The following LCN9 variants were observed in gnomAD, a reference collection of about 807,000 sequenced individuals.
LCN9 encodes lipocalin 9.
Under a neutral mutation model 18.5 loss-of-function variants are expected in LCN9, and 22 were observed. The ratio of observed to expected loss-of-function variants is 1.19; its 90% confidence interval spans 0.85 to 1.70. The LOEUF (loss-of-function observed/expected upper bound fraction) is 1.70, where lower values mean the gene tolerates loss of function less well. Ranked by LOEUF, LCN9 falls within the 40% of genes most tolerant of loss-of-function variation. The pLI, the probability that LCN9 is intolerant of heterozygous loss-of-function variation, is 0.00. For missense variants in LCN9, 202 were observed against 201.3 expected, an observed-to-expected ratio of 1.00 and a Z score of -0.02; for synonymous variants, 89 against 83.0, an observed-to-expected ratio of 1.07 and a Z score of -0.39.
chr9:135,666,225 C>A (rs189546519), exon 6 of LCN9: 2 of 1,396,100 alleles, frequency 1.4e-6, no homozygotes, highest in East Asian at 4.6e-5. Context: ...GGTCTGAAAC[C>A]CGAGGTCCGC....
In LCN9 at chr9:135,665,218, GC is replaced by G; in HGVS notation, c.308-25del. On this transcript the variant is annotated intron_variant, in intron 3 of 5. Transcript: ENST00000619315. This position sits in a 1 kb window ranked among gnomAD's most constrained non-coding sequence, Gnocchi z 5.9. ...AGGACCCTGAGGGTGGCGGGGCCAG[GC>G]CACGCTGAGCCATGTCTCCACGCAG... The G allele has an allele frequency of 6.7e-7, 1 of 1,484,386 alleles. No homozygotes were observed. Among genetic ancestry groups the G allele is most frequent in the South Asian group, 1.2e-5 (1 of 83,272 alleles). The allele number at this position is 1,484,386 out of a possible 1,614,324, so 92.0% of individuals were successfully genotyped here. A position where few individuals can be genotyped will look rare whatever the true frequency, so the allele number is the denominator to read the frequency against.
chr9:135,663,709 A>G (rs1161621988), intron 1 of LCN9, among the ~76,000 whole-genome samples: 3 of 145,078 alleles, frequency 2.1e-5, no homozygotes, highest in Non-Finnish European at 3.0e-5. Flanking sequence ...CCCTAAGAGG[A>G]CAGAGGGGTT....
chr9:135,663,805 A>T (rs113286208), intron 1 of LCN9, among the ~76,000 whole-genome samples: 1 of 33,534 alleles, frequency 3.0e-5, no homozygotes. Flanking sequence ...ACAGAGGGGG[A>T]CCTGGAGGGG....
intron 1 of LCN9, among the ~76,000 whole-genome samples, chr9:135,663,799 AGGGG>A (rs1834159697): frequency 4.9e-5 from 1 of 20,530 alleles, no homozygotes; most frequent in Admixed American, 6.0e-4. Context: ...GAGAGGACAG[AGGGG>A]GACCTGGAGG....
chr9:135,664,852 G>A lies in LCN9; in HGVS notation c.307+57G>A, dbSNP rs1834189905. ...CAGTCGGGGGTCTCCTTTCTCCAGGGCCTGGGCCATATTCTGGTGAGCACT... is the reference window on the plus strand; with the variant it reads ...CAGTCGGGGGTCTCCTTTCTCCAGGACCTGGGCCATATTCTGGTGAGCACT... On this transcript the variant is annotated intron_variant, in intron 3 of 5. Coordinates refer to ENST00000619315, the Ensembl canonical transcript of LCN9. This position sits in a 1 kb window ranked among gnomAD's most constrained non-coding sequence, Gnocchi z 4.5. 1.3e-6 allele frequency: 2 copies of A among 1,509,542 alleles called. No individual in the cohort carries two copies. The highest frequency in any genetic ancestry group is 1.8e-6 in the Non-Finnish European group (2 of 1,112,104). The allele number at this position is 1,509,542 out of a possible 1,614,324, so 93.5% of individuals were successfully genotyped here.
At position 135,664,832 on chromosome 9, in the gene LCN9, G is replaced by C. The variant is rs762789260; in HGVS notation, c.307+37G>C. The C allele has an allele frequency of 6.5e-7, 1 of 1,547,710 alleles. No homozygotes were observed. The highest frequency in any genetic ancestry group is 2.4e-5 in the East Asian group (1 of 41,356). On this transcript the variant is annotated intron_variant, in intron 3 of 5. Coordinates refer to ENST00000619315, the Ensembl canonical transcript of LCN9. This position sits in a 1 kb window ranked among gnomAD's most constrained non-coding sequence, Gnocchi z 4.5. The stretch of plus-strand genomic sequence containing the variant: ...CCAGGCTCCTCCTGGTCTCACAGTC[G>C]GGGGTCTCCTTTCTCCAGGGCCTGG...
In LCN9 at chr9:135,665,949, G is replaced by C; in HGVS notation, c.*98G>C. The C allele has an allele frequency of 6.2e-7, 1 of 1,603,444 alleles. No individual in the cohort carries two copies. The highest frequency in any genetic ancestry group is 8.5e-7 in the Non-Finnish European group (1 of 1,177,792). ...GGACGGGCAGGGGGCTGGATGGGGA[G>C]AGCTTGGGGCCAACGTCAGAGGCTG... is the stretch of plus-strand genomic sequence containing the variant. On this transcript the variant is annotated 3_prime_UTR_variant, in exon 6 of 6. Coordinates refer to ENST00000619315, the Ensembl canonical transcript of LCN9. This position sits in a 1 kb window ranked among gnomAD's most constrained non-coding sequence, Gnocchi z 5.9.
At chr9:135,663,325 G>A in exon 1 of LCN9, 1 of 1,613,348 alleles carries the variant, frequency 6.2e-7, no homozygotes, top group Non-Finnish European at 8.5e-7. Context: ...GGCAAAGATG[G>A]CTCTGCTTCT....
At position 135,664,125 on chromosome 9, in the gene LCN9, C is replaced by A. The variant is rs775839777; in HGVS notation, c.97-37C>A. 2 of 1,608,272 alleles carry A rather than the reference C, an allele frequency of 1.2e-6. No individual in the cohort carries two copies. The highest frequency in any genetic ancestry group is 1.7e-5 in the Admixed American group (1 of 59,222). The stretch of plus-strand genomic sequence containing the variant: ...GGCGCTAAGCATCCCCAGGGCTGTC[C>A]CGCGGCCCCCCACCCACTGGAGCTC... On this transcript the variant is annotated intron_variant, in intron 1 of 5. Transcript: ENST00000619315. This position sits in a 1 kb window ranked among gnomAD's most constrained non-coding sequence, Gnocchi z 4.5.
rs1369460673 is a variant in LCN9 at position 135,664,099 on chromosome 9, G to A, written c.97-63G>A. ...GCCGGGCCCTGGGAGGGAAGACTGT[G>A]GGCGCTAAGCATCCCCAGGGCTGTC... On this transcript the variant is annotated intron_variant, in intron 1 of 5. Transcript: ENST00000619315. This position sits in a 1 kb window ranked among gnomAD's most constrained non-coding sequence, Gnocchi z 4.5. The A allele has an allele frequency of 5.1e-6, 8 of 1,581,558 alleles. No homozygotes were observed. The highest frequency in any genetic ancestry group is 2.3e-5 in the East Asian group (1 of 44,174).
rs1437775116 is a variant in LCN9, at chr9:135,665,440, C to A, written c.418+85C>A. ...CAACCCTGGGCGGAGGAGGGTCTCG[C>A]AGTGGCCCTGGGGTTTGGAGAGGTG... On this transcript the variant is annotated intron_variant, in intron 4 of 5. Coordinates refer to ENST00000619315, the Ensembl canonical transcript of LCN9. The surrounding 1 kb of genome is among the most constrained non-coding windows in gnomAD (Gnocchi z 5.9). 1.7e-6 allele frequency: 2 copies of A among 1,144,154 alleles called. No individual in the cohort carries two copies. The highest frequency in any genetic ancestry group is 1.5e-5 in the African/African-American group (1 of 65,092). 70.9% of individuals were successfully genotyped at this position (1,144,154 alleles called of 1,614,324 possible).
In LCN9 at chr9:135,664,751, T is replaced by C; in HGVS notation, c.263T>C (p.Val88Ala). 6.3e-7 allele frequency: 1 copy of C among 1,598,838 alleles called. No homozygotes were observed. The highest frequency in any genetic ancestry group is 8.5e-7 in the Non-Finnish European group (1 of 1,173,128). The change falls in exon 3 of 6, where the codon GTG (valine) becomes GCG (alanine). Residue 88 changes from valine to alanine, a missense_variant. Val to Ala is a moderately conservative substitution (Grantham distance 64). Transcript: ENST00000619315. This position sits in a 1 kb window ranked among gnomAD's most constrained non-coding sequence, Gnocchi z 4.5. ...CAGGGGGAGTGTGTGGCTGTGGTCG[T>C]GGTCTGCGAGAAGACAGAGAAGAAT...
At position 135,664,429 on chromosome 9, in the gene LCN9, C is replaced by T; in HGVS notation, c.233+131C>T. The T allele has an allele frequency of 3.3e-6, 4 of 1,227,078 alleles. No homozygotes were observed. Among genetic ancestry groups the T allele is most frequent in the South Asian group, 1.4e-5 (1 of 73,776 alleles). The allele number at this position is 1,227,078 out of a possible 1,614,324, so 76.0% of individuals were successfully genotyped here. Reference sequence around the variant, plus strand: ...ACTCTGGTGAGAGCCTGAGCCTGTGCGTGTGACCCTTGGGGGCAGGGTGAG... The same window carrying T: ...ACTCTGGTGAGAGCCTGAGCCTGTGTGTGTGACCCTTGGGGGCAGGGTGAG... On this transcript the variant is annotated intron_variant, in intron 2 of 5. Coordinates refer to ENST00000619315, the Ensembl canonical transcript of LCN9. This position sits in a 1 kb window ranked among gnomAD's most constrained non-coding sequence, Gnocchi z 4.5.
In LCN9 at chr9:135,665,407, G is replaced by A; in HGVS notation, c.418+52G>A. The A allele has an allele frequency of 6.9e-7, 1 of 1,448,870 alleles. No homozygotes were observed. Among genetic ancestry groups the A allele is most frequent in the Non-Finnish European group, 9.5e-7 (1 of 1,053,380 alleles). The allele number at this position is 1,448,870 out of a possible 1,614,324, so 89.8% of individuals were successfully genotyped here. A position where few individuals can be genotyped will look rare whatever the true frequency, so the allele number is the denominator to read the frequency against. ...CCTCGGGGACCCCACCTCCTCTGAA[G>A]TCCGGCCCAACCCTGGGCGGAGGAG... On this transcript the variant is annotated intron_variant, in intron 4 of 5. Coordinates refer to ENST00000619315, the Ensembl canonical transcript of LCN9. The surrounding 1 kb of genome is among the most constrained non-coding windows in gnomAD (Gnocchi z 5.9).
rs1588215979 is a variant in LCN9 at position 135,665,796 on chromosome 9, T to G, written c.*9+44T>G. On this transcript the variant is annotated intron_variant, in intron 5 of 5. Transcript: ENST00000619315. This position sits in a 1 kb window ranked among gnomAD's most constrained non-coding sequence, Gnocchi z 5.9. Reference sequence around the variant, plus strand: ...GGACCAAGCGGGAGCCGGGACAGGGTGGGGATGGGAGGTGTGCCTGCGGGG... The same window carrying G: ...GGACCAAGCGGGAGCCGGGACAGGGGGGGGATGGGAGGTGTGCCTGCGGGG... 1 of 1,611,900 alleles carries G rather than the reference T, an allele frequency of 6.2e-7. No individual in the cohort carries two copies. Among genetic ancestry groups the G allele is most frequent in the Non-Finnish European group, 8.5e-7 (1 of 1,179,046 alleles).
In LCN9 at chr9:135,665,757, G is replaced by A; in HGVS notation, c.*9+5G>A. 6.2e-7 allele frequency: 1 copy of A among 1,613,362 alleles called. No individual in the cohort carries two copies. The highest frequency in any genetic ancestry group is 2.2e-5 in the East Asian group (1 of 44,862). On this transcript the variant is annotated splice_donor_5th_base_variant and intron_variant, in intron 5 of 5. Transcript: ENST00000619315. This position sits in a 1 kb window ranked among gnomAD's most constrained non-coding sequence, Gnocchi z 5.9. ...TCATCGACTTGACCAACAAAGGTCAGCCCCACTGCTCCCGGACCAAGCGGG... is the reference window on the plus strand; with the variant it reads ...TCATCGACTTGACCAACAAAGGTCAACCCCACTGCTCCCGGACCAAGCGGG...
At position 135,665,016 on chromosome 9, in the gene LCN9, C is replaced by A. The variant is rs760034023; in HGVS notation, c.307+221C>A. On this transcript the variant is annotated intron_variant, in intron 3 of 5. Transcript: ENST00000619315. The surrounding 1 kb of genome is among the most constrained non-coding windows in gnomAD (Gnocchi z 5.9). Reference sequence around the variant, plus strand: ...TCATGCTGAGCTCTGGGGGGTGAGCCCACTGAGGGGCCACCAGGGTCTGCA... The same window carrying A: ...TCATGCTGAGCTCTGGGGGGTGAGCACACTGAGGGGCCACCAGGGTCTGCA... Among the ~76,000 whole-genome samples, 2 of 152,080 alleles carry A rather than the reference C, an allele frequency of 1.3e-5. No homozygotes were observed. The highest frequency in any genetic ancestry group is 6.5e-5 in the Admixed American group (1 of 15,288).
rs1183024630 is a variant in LCN9, at chr9:135,665,579, C to T, written c.419-109C>T. 3.5e-5 allele frequency: 40 copies of T among 1,135,490 alleles called. No homozygotes were observed. The highest frequency in any genetic ancestry group is 5.0e-5 in the Non-Finnish European group (39 of 780,248). The allele number at this position is 1,135,490 out of a possible 1,614,324, so 70.3% of individuals were successfully genotyped here. ...CCCTCTCTGGTCAGGGCGTGACCCC[C>T]TGCCCAGCCTCAGCACTTCCTGAGC... On this transcript the variant is annotated intron_variant, in intron 4 of 5. Transcript: ENST00000619315. This position sits in a 1 kb window ranked among gnomAD's most constrained non-coding sequence, Gnocchi z 5.9.
In LCN9 at chr9:135,665,203, G is replaced by A. The variant is rs1834196509; in HGVS notation, c.308-42G>A. On this transcript the variant is annotated intron_variant, in intron 3 of 5. Transcript: ENST00000619315. The surrounding 1 kb of genome is among the most constrained non-coding windows in gnomAD (Gnocchi z 5.9). Reference sequence around the variant, plus strand: ...CACAGCACGTGTCACAGGACCCTGAGGGTGGCGGGGCCAGGCCACGCTGAG... The same window carrying A: ...CACAGCACGTGTCACAGGACCCTGAAGGTGGCGGGGCCAGGCCACGCTGAG... The A allele has an allele frequency of 1.3e-5, 17 of 1,349,932 alleles. No homozygotes were observed. The East Asian group carries it at 4.2e-4, about 34-fold the overall frequency. 83.6% of individuals were successfully genotyped at this position (1,349,932 alleles called of 1,614,324 possible). A position where few individuals can be genotyped will look rare whatever the true frequency, so the allele number is the denominator to read the frequency against.
Sources: gnomAD v4.1 joint callset for allele counts (sites outside exome capture counted in the v4.1 genomes callset) on GRCh38, gnomAD v4.1.1 for gene constraint, Gnocchi (gnomAD v3.1) non-coding constraint, MANE v1.5 for transcripts, NCBI Gene and HGNC (gene_info 2026-07-23, HGNC 2026-07-21) for gene names.